The following RSPH14 variants were observed in gnomAD, a reference collection of about 807,000 sequenced individuals.
RSPH14 encodes the protein radial spoke head 14 homolog.
Under a neutral mutation model 26.7 loss-of-function variants are expected in RSPH14, and 20 were observed. The ratio of observed to expected loss-of-function variants is 0.75; its 90% CI spans 0.53 to 1.09. The LOEUF is 1.09. Among genes scored for constraint, RSPH14 ranks in the 50% least tolerant of loss-of-function variants. The pLI is 0.00. For missense variants in RSPH14, 449 were observed against 457.2 expected (o/e 0.98, Z 0.16); for synonymous variants, 177 against 189.3 (o/e 0.93, Z 0.53).
the RSPH14 span, among the ~76,000 whole-genome samples, chr22:23,157,332 G>C: frequency 6.6e-6 from 1 of 151,638 alleles, no homozygotes; most frequent in African/African-American, 2.4e-5. Flanking sequence ...CTCACTGCAA[G>C]CTCCGCCTCC....
intron 4 of RSPH14, among the ~76,000 whole-genome samples, chr22:23,076,183 G>A (rs2068502215): frequency 6.6e-6 from 1 of 152,212 alleles, no homozygotes; most frequent in Non-Finnish European, 1.5e-5. Flanking sequence ...TCCTGACCAT[G>A]TTTCCTATGC....
intron 6 of RSPH14, among the ~76,000 whole-genome samples, chr22:23,060,343 C>T (rs1017678830): frequency 2.0e-5 from 3 of 151,282 alleles, no homozygotes; most frequent in Admixed American, 6.6e-5. Flanking sequence ...TGGTGGCGGG[C>T]GCCTGTAGTC....
At chr22:23,112,560 G>T (rs146442538) in intron 4 of RSPH14, among the ~76,000 whole-genome samples, 1 of 152,328 alleles carries the variant, frequency 6.6e-6, no homozygotes, top group Non-Finnish European at 1.5e-5. Flanking sequence ...GCAGGAGGCT[G>T]GGCTGAGCTC....
chr22:23,149,088 G>A (rs889299324), upstream of RSPH14, among the ~76,000 whole-genome samples: 2 of 152,102 alleles, frequency 1.3e-5, no homozygotes, highest in Admixed American at 6.6e-5. Context: ...GAGGGCAGAT[G>A]GGCCAGGCAG....
chr22:23,068,241 C>T (rs529949706), intron 4 of RSPH14, among the ~76,000 whole-genome samples: 20 of 152,356 alleles, frequency 1.3e-4, no homozygotes, highest in African/African-American at 4.8e-4. Flanking sequence ...TCCACGCCTG[C>T]TATGGCCTCA....
At position 23,063,853 on chromosome 22, in the gene RSPH14, G is replaced by A. The variant is rs766893607; in HGVS notation, c.653+49C>T. The A allele has an allele frequency of 5.1e-6, 8 of 1,580,426 alleles. No homozygotes were observed. In the South Asian group the frequency reaches 9.0e-5, roughly 18 times the overall value. On this transcript the variant is annotated intron_variant, in intron 5 of 6. Coordinates refer to ENST00000216036, the MANE Select transcript of RSPH14 (RefSeq NM_014433.3). ...TTGAGCTCTGGACCAGTCCAGCTCA[G>A]GTGCCTTCTCCCAGCCTTGGTAGAA... is the stretch of plus-strand genomic sequence containing the variant.
At chr22:23,124,168 A>C (rs895900403) in intron 4 of RSPH14, 20 of 227,498 alleles carry the variant, frequency 8.8e-5, no homozygotes, top group African/African-American at 1.4e-4. Flanking sequence ...TATAAATCAA[A>C]ACCTGGTTTT....
At chr22:23,128,979 C>T (rs940133538) in intron 4 of RSPH14, among the ~76,000 whole-genome samples, 4 of 152,312 alleles carry the variant, frequency 2.6e-5, no homozygotes, top group Non-Finnish European at 5.9e-5. Flanking sequence ...CACTGGGAGC[C>T]AGCTAAGCCC....
intron 4 of RSPH14, among the ~76,000 whole-genome samples, chr22:23,084,112 G>A (rs1035167260): frequency 6.6e-6 from 1 of 152,198 alleles, no homozygotes; most frequent in Admixed American, 6.5e-5. Flanking sequence ...CCCTACCCAT[G>A]TCCAGTGTCA....
intron 2 of RSPH14, among the ~76,000 whole-genome samples, chr22:23,139,560 T>G (rs1433401075): frequency 1.3e-5 from 2 of 152,178 alleles, no homozygotes; most frequent in African/African-American, 4.8e-5. Context: ...GGCGGAGGTT[T>G]CAGTGAGCCA....
rs2068148756 is a variant in RSPH14 at position 23,064,032 on chromosome 22, G to A, written c.523C>T (p.Leu175=). The A allele has an allele frequency of 6.2e-7, 1 of 1,614,196 alleles. No individual in the cohort carries two copies. The highest frequency in any genetic ancestry group is 8.5e-7 in the Non-Finnish European group (1 of 1,180,030). ...GCATCCTCCTGCAGGCAGAGGACCA[G>A]TGTGTCCAGGATGAACTCCTGGAAC... ...EEFQEFILDT[L]VLCLQEDATE... Residue 175 remains leucine, a synonymous_variant, in exon 5 of 7, where the codon CTG becomes TTG. Transcript: ENST00000216036.
chr22:23,063,725 C>T (rs374753292), intron 5 of RSPH14, among the ~76,000 whole-genome samples, 177 bp downstream of exon 5: 3 of 152,000 alleles, frequency 2.0e-5, no homozygotes, highest in African/African-American at 4.8e-5. Context: ...CCCAGGCCAA[C>T]GGGATGGTGG....
chr22:23,164,113 G>A, the RSPH14 span: 1 of 152,256 alleles, frequency 6.6e-6, no homozygotes, highest in African/African-American at 2.4e-5. Flanking sequence ...CAGCATTGGG[G>A]TCCATTAGGA....
intron 4 of RSPH14, among the ~76,000 whole-genome samples, chr22:23,115,982 C>T (rs1469601829): frequency 6.6e-6 from 1 of 152,226 alleles, no homozygotes; most frequent in Non-Finnish European, 1.5e-5. Context: ...CCAGGCCAAG[C>T]ACACCAGGAA....
At chr22:23,179,412 T>C in the RSPH14 span, among the ~76,000 whole-genome samples, 3 of 152,180 alleles carry the variant, frequency 2.0e-5, no homozygotes, top group South Asian at 2.1e-4. Flanking sequence ...CCACTGTGTC[T>C]CAGATCTCTG....
the RSPH14 span, among the ~76,000 whole-genome samples, chr22:23,150,802 C>T: frequency 6.6e-6 from 1 of 152,252 alleles, no homozygotes; most frequent in Admixed American, 6.5e-5. Flanking sequence ...CTCTGGGAGC[C>T]TTCTCTGACC....
intron 4 of RSPH14, chr22:23,131,662 C>T (rs6003520): frequency 1.5e-6 from 2 of 1,302,744 alleles, no homozygotes; most frequent in South Asian, 1.2e-5. Flanking sequence ...TAGACCCTCG[C>T]TTATTCCTCA....
Position 23,141,972 on chromosome 22 carries a change from TCCAGTAGCCCGCG to T in RSPH14, c.-89_-77del, listed in dbSNP as rs1454958357. On this transcript the variant is annotated 5_prime_UTR_variant, in exon 1 of 7. Transcript: ENST00000216036. Reference sequence around the variant, plus strand: ...ACCTGCCTCCGCAGCCCTTTCTGCTTCCAGTAGCCCGCGCCACTGGCCAACCTATTCAGTTGCC... The same window carrying T: ...ACCTGCCTCCGCAGCCCTTTCTGCTTCCACTGGCCAACCTATTCAGTTGCC... 1.0e-6 allele frequency: 1 copy of T among 985,468 alleles called. No individual in the cohort carries two copies. Among genetic ancestry groups the T allele is most frequent in the Non-Finnish European group, 1.2e-6 (1 of 830,086 alleles). 61.0% of individuals were successfully genotyped at this position (985,468 alleles called of 1,614,324 possible).
At chr22:23,139,386 C>T (rs2146454157) in intron 2 of RSPH14, among the ~76,000 whole-genome samples, 1 of 152,320 alleles carries the variant, frequency 6.6e-6, no homozygotes, top group African/African-American at 2.4e-5. Context: ...TTTGGGAGGC[C>T]AAGGCAAGCG....
Sources: allele counts gnomAD v4.1 joint callset (sites outside exome capture counted in the v4.1 genomes callset), GRCh38; gene constraint gnomAD v4.1.1; transcripts MANE v1.5; gene names NCBI Gene and HGNC (gene_info 2026-07-23, HGNC 2026-07-21).